Variants in LMBR1 observed in about 807,000 individuals in gnomAD.
LMBR1 encodes limb development membrane protein 1.
In LMBR1, 52 loss-of-function variants were observed where a neutral mutation model predicts 73.9. That is an observed-to-expected ratio of 0.70 (90% confidence interval 0.56 to 0.89). The LOEUF (loss-of-function observed/expected upper bound fraction) is 0.89. Ranked by LOEUF, LMBR1 falls within the 40% of genes least tolerant of loss-of-function variation. LMBR1 has a pLI of 0.00. For synonymous variants in LMBR1, 215 were observed against 209.4 expected (o/e 1.03, Z -0.23); for missense variants, 539 against 579.8 (o/e 0.93, Z 0.72).
intron 12 of LMBR1, among the ~76,000 whole-genome samples, chr7:156,727,069 A>G (rs563180455): frequency 2.5e-4 from 38 of 152,202 alleles, no homozygotes; most frequent in African/African-American, 8.4e-4. Flanking sequence ...CTTATCTTAA[A>G]TAAGTTTGTC....
intron 9 of LMBR1, 30 bp downstream of exon 9, chr7:156,756,363 T>C: frequency 9.8e-7 from 1 of 1,016,444 alleles, no homozygotes; most frequent in Admixed American, 1.9e-5. Flanking sequence ...GATTTTTTTA[T>C]CCCCGTCTAA....
At chr7:156,701,152 C>T (rs912109416) in intron 15 of LMBR1, among the ~76,000 whole-genome samples, 1 of 152,186 alleles carries the variant, frequency 6.6e-6, no homozygotes, top group Non-Finnish European at 1.5e-5. Context: ...GACACAGCCA[C>T]ACCATATCAA....
intron 5 of LMBR1, among the ~76,000 whole-genome samples, chr7:156,782,185 T>A (rs1450373150): frequency 6.6e-6 from 1 of 152,234 alleles, no homozygotes; most frequent in Non-Finnish European, 1.5e-5. Context: ...CTTCATTGTA[T>A]GGATATATCA....
chr7:156,733,273 A>C (rs774595251), intron 10 of LMBR1, among the ~76,000 whole-genome samples: 9 of 152,254 alleles, frequency 5.9e-5, no homozygotes, highest in African/African-American at 1.2e-4. Context: ...GCATGCAAAG[A>C]AGCACGAAAA....
intron 2 of LMBR1, chr7:156,834,654 T>A (rs745389582): frequency 4.3e-4 from 80 of 184,668 alleles, no homozygotes; most frequent in Non-Finnish European, 8.0e-4. Context: ...ATATAATATA[T>A]AATAAAATAT....
chr7:156,760,254 A>G (rs1401279110), intron 8 of LMBR1, among the ~76,000 whole-genome samples: 1 of 151,856 alleles, frequency 6.6e-6, no homozygotes. Context: ...GGGGTTCACT[A>G]TATTTAACAT....
At chr7:156,856,226 A>T (rs147361721) in intron 1 of LMBR1, among the ~76,000 whole-genome samples, 1 of 151,950 alleles carries the variant, frequency 6.6e-6, no homozygotes. Flanking sequence ...AGATAGGTAG[A>T]TAGATAGATA....
intron 9 of LMBR1, among the ~76,000 whole-genome samples, chr7:156,735,095 GC>G (rs1817604650): frequency 6.6e-6 from 1 of 152,116 alleles, no homozygotes. Flanking sequence ...ATTCTTGTAT[GC>G]CCATCCAGTA....
intron 1 of LMBR1, among the ~76,000 whole-genome samples, chr7:156,864,577 T>C (rs1297162290): frequency 6.6e-6 from 1 of 152,232 alleles, no homozygotes; most frequent in African/African-American, 2.4e-5. Flanking sequence ...AACATTTTCA[T>C]ATACCTCTAT....
chr7:156,815,452 G>A (rs1207271999), intron 4 of LMBR1, among the ~76,000 whole-genome samples: 2 of 152,166 alleles, frequency 1.3e-5, no homozygotes, highest in Non-Finnish European at 2.9e-5. Flanking sequence ...ACAACTGTGC[G>A]TGATTTTTTT....
intron 10 of LMBR1, among the ~76,000 whole-genome samples, chr7:156,733,502 A>G (rs1043048150): frequency 6.6e-6 from 1 of 152,200 alleles, no homozygotes; most frequent in African/African-American, 2.4e-5. Context: ...AGATGGTAGA[A>G]AAACAAAAAA....
intron 1 of LMBR1, among the ~76,000 whole-genome samples, chr7:156,852,094 C>G (rs1796314650): frequency 6.6e-6 from 1 of 152,070 alleles, no homozygotes; most frequent in Non-Finnish European, 1.5e-5. Context: ...GAACACACCT[C>G]TAGGAACAAA....
At chr7:156,836,092 G>A (rs936608135) in intron 2 of LMBR1, among the ~76,000 whole-genome samples, 4 of 152,144 alleles carry the variant, frequency 2.6e-5, no homozygotes, top group African/African-American at 7.2e-5. Flanking sequence ...CACTAGAGCA[G>A]GCACTATAAC....
At chr7:156,693,669 C>G (rs1807696294) in intron 15 of LMBR1, among the ~76,000 whole-genome samples, 1 of 152,106 alleles carries the variant, frequency 6.6e-6, no homozygotes, top group Non-Finnish European at 1.5e-5. Flanking sequence ...CAAAGAAAAG[C>G]CCAGGACCAG....
chr7:156,827,197 GAAA>G (rs1022981759), intron 3 of LMBR1, among the ~76,000 whole-genome samples: 2 of 151,628 alleles, frequency 1.3e-5, no homozygotes, highest in Non-Finnish European at 2.9e-5. Flanking sequence ...TATTTCAGAG[GAAA>G]AAAAACTTAG....
chr7:156,722,165 G>T (rs1814736263), intron 15 of LMBR1, among the ~76,000 whole-genome samples: 1 of 152,086 alleles, frequency 6.6e-6, no homozygotes, highest in Non-Finnish European at 1.5e-5. Context: ...CATTGTAAGT[G>T]ATGGGACGCT....
At chr7:156,676,325 T>C (rs1483795938), downstream of LMBR1, 4 of 1,612,868 alleles carry the variant, frequency 2.5e-6, no homozygotes, top group South Asian at 2.2e-5. Context: ...CGAAGACCCA[T>C]GTCTCGGGGC....
At chr7:156,753,726 G>A (rs1821320976) in intron 9 of LMBR1, among the ~76,000 whole-genome samples, 3 of 152,040 alleles carry the variant, frequency 2.0e-5, no homozygotes, top group African/African-American at 4.8e-5. Flanking sequence ...CAAAGCAGAC[G>A]GCAGAGGGGA....
intron 15 of LMBR1, among the ~76,000 whole-genome samples, chr7:156,710,124 C>G (rs936214783): frequency 1.3e-5 from 2 of 151,250 alleles, no homozygotes; most frequent in Admixed American, 6.6e-5. Context: ...CCAGGATGCT[C>G]TCGATCTCCC....
Sources: allele counts gnomAD v4.1 joint callset (sites outside exome capture counted in the v4.1 genomes callset), GRCh38; gene constraint gnomAD v4.1.1; transcripts MANE v1.5; gene names NCBI Gene and HGNC (gene_info 2026-07-23, HGNC 2026-07-21).